FBXW7: variants seen among roughly 807,000 people sequenced by gnomAD.
The protein encoded by FBXW7 is F-box/WD repeat-containing protein 7.
Under a neutral mutation model 86.3 loss-of-function variants are expected in FBXW7, and 11 were observed. The observed-to-expected ratio is 0.13, with a 90% CI of 0.08 to 0.21. FBXW7 has a LOEUF of 0.21. Ranked by LOEUF, FBXW7 falls within the 10% of genes least tolerant of loss-of-function variation. The pLI, the probability that FBXW7 is intolerant of heterozygous loss-of-function variation, is 1.00. For synonymous variants in FBXW7, 313 were observed against 297.9 expected (o/e 1.05, Z -0.52); for missense variants, 488 against 847.4 (o/e 0.58, Z 5.27).
chr4:152,534,405 C>G (rs577154628), intron 2 of FBXW7, among the ~76,000 whole-genome samples: 1 of 152,254 alleles, frequency 6.6e-6, no homozygotes, highest in African/African-American at 2.4e-5. Context: ...TCCTGACACA[C>G]ATGAAATTGG....
intron 2 of FBXW7, among the ~76,000 whole-genome samples, chr4:152,526,205 T>C (rs896350991): frequency 6.6e-6 from 1 of 151,904 alleles, no homozygotes; most frequent in Non-Finnish European, 1.5e-5. Context: ...GTCAGATGCA[T>C]AGTTTGCAAG....
At position 152,350,075 on chromosome 4, in the gene FBXW7, C is replaced by T. The variant is rs1731659122; in HGVS notation, c.551G>A (p.Gly184Glu). ...TTCTGAGACTTTGCATGGTTTCTTTCCCAAAGAAAAAGAGCGGACCTCAGA... is the reference window on the plus strand; with the variant it reads ...TTCTGAGACTTTGCATGGTTTCTTTTCCAAAGAAAAAGAGCGGACCTCAGA... ...HGSEVRSFSLGKKPCKVSEYT... is the reference protein window; with the variant it reads ...HGSEVRSFSLEKKPCKVSEYT... The change falls in exon 5 of 14, where the codon GGA becomes GAA. Residue 184 changes from glycine (G) to glutamate (E), a missense_variant. Gly to Glu is a moderately conservative substitution (Grantham distance 98). This residue lies in a region of FBXW7 where 230 missense variants were observed against 240.0 expected (regional missense o/e 0.96). Transcript: ENST00000281708. 6 of 1,565,198 alleles carry T rather than the reference C, an allele frequency of 3.8e-6. No individual in the cohort carries two copies. The highest frequency in any genetic ancestry group is 3.5e-5 in the South Asian group (3 of 84,786).
intron 4 of FBXW7, among the ~76,000 whole-genome samples, chr4:152,402,052 GTT>G (rs1344464067): frequency 6.6e-6 from 1 of 152,200 alleles, no homozygotes; most frequent in Admixed American, 6.5e-5. Flanking sequence ...AATGGGTCAT[GTT>G]TCAGTGAAGC....
chr4:152,470,280 G>A (rs1454849153), intron 2 of FBXW7, among the ~76,000 whole-genome samples: 2 of 152,006 alleles, frequency 1.3e-5, no homozygotes, highest in East Asian at 3.8e-4. Context: ...TCACAACTTA[G>A]ACAAAAAATT....
intron 4 of FBXW7, among the ~76,000 whole-genome samples, chr4:152,406,316 C>T (rs1737420298): frequency 6.6e-6 from 1 of 151,846 alleles, no homozygotes; most frequent in Non-Finnish European, 1.5e-5. Context: ...ACTTTTTGAG[C>T]TGGGCACGGT....
At chr4:152,376,711 A>T (rs1734556803) in intron 4 of FBXW7, among the ~76,000 whole-genome samples, 1 of 152,076 alleles carries the variant, frequency 6.6e-6, no homozygotes, top group Non-Finnish European at 1.5e-5. Context: ...TTTGGTCATA[A>T]TTGTCAAAAG....
chr4:152,382,547 C>G (rs537606293), intron 4 of FBXW7: 1 of 1,096,334 alleles, frequency 9.1e-7, no homozygotes, highest in Admixed American at 4.7e-5. Flanking sequence ...CCTAGAATAG[C>G]CAGGAATTAT....
chr4:152,394,061 G>T (rs1459065243), intron 4 of FBXW7, among the ~76,000 whole-genome samples: 1 of 152,070 alleles, frequency 6.6e-6, no homozygotes, highest in African/African-American at 2.4e-5. Flanking sequence ...GATACAGCTA[G>T]AAGTTACCCT....
At chr4:152,490,918 C>T (rs1745786564) in intron 2 of FBXW7, among the ~76,000 whole-genome samples, 1 of 151,902 alleles carries the variant, frequency 6.6e-6, no homozygotes, top group Non-Finnish European at 1.5e-5. Context: ...GATCGCTGTC[C>T]CTGATAAATA....
At chr4:152,324,670 A>G (rs1166522006) in intron 12 of FBXW7, 2 of 361,494 alleles carry the variant, frequency 5.5e-6, no homozygotes, top group African/African-American at 4.2e-5. Flanking sequence ...CAAAGCACCT[A>G]AAATGAACAA....
At chr4:152,531,048 G>T (rs1325278441) in intron 2 of FBXW7, among the ~76,000 whole-genome samples, 1 of 151,970 alleles carries the variant, frequency 6.6e-6, no homozygotes, top group Admixed American at 6.6e-5. Flanking sequence ...GGGGTCATCT[G>T]GTGGGTGCTA....
chr4:152,460,545 G>A (rs893312846), intron 2 of FBXW7, among the ~76,000 whole-genome samples: 2 of 152,148 alleles, frequency 1.3e-5, no homozygotes, highest in African/African-American at 4.8e-5. Flanking sequence ...TGGTTTATCT[G>A]AACATGTATT....
chr4:152,494,776 G>A (rs1250704892), intron 2 of FBXW7, among the ~76,000 whole-genome samples: 1 of 152,182 alleles, frequency 6.6e-6, no homozygotes, highest in Non-Finnish European at 1.5e-5. Context: ...CAGAAAGGCT[G>A]TAGATAACAG....
chr4:152,372,210 ATATG>A (rs1252783147), intron 4 of FBXW7, among the ~76,000 whole-genome samples: 1 of 151,924 alleles, frequency 6.6e-6, no homozygotes, highest in Admixed American at 6.6e-5. Flanking sequence ...ACTCATCTAT[ATATG>A]TATGTTTTAA....
intron 2 of FBXW7, among the ~76,000 whole-genome samples, chr4:152,454,221 T>C (rs1489562330): frequency 6.6e-6 from 1 of 151,138 alleles, no homozygotes; most frequent in Non-Finnish European, 1.5e-5. Flanking sequence ...CTGCTTCTTA[T>C]ATCTCTTTTA....
At chr4:152,417,584 A>C (rs567353230) in intron 2 of FBXW7, among the ~76,000 whole-genome samples, 1 of 152,192 alleles carries the variant, frequency 6.6e-6, no homozygotes, top group African/African-American at 2.4e-5. Context: ...AAGCATGAGG[A>C]ATAATCCATA....
intron 2 of FBXW7, among the ~76,000 whole-genome samples, chr4:152,437,821 A>G (rs1282897584): frequency 6.6e-6 from 1 of 152,230 alleles, no homozygotes; most frequent in Admixed American, 6.5e-5. Flanking sequence ...GCAAGACTAC[A>G]GCAGTAAAAT....
At chr4:152,527,274 T>C (rs1749597755) in intron 2 of FBXW7, among the ~76,000 whole-genome samples, 1 of 152,264 alleles carries the variant, frequency 6.6e-6, no homozygotes, top group Non-Finnish European at 1.5e-5. Flanking sequence ...ATATTATGAA[T>C]GTATTTTATT....
intron 2 of FBXW7, among the ~76,000 whole-genome samples, chr4:152,429,113 C>T (rs1739643430): frequency 6.6e-6 from 1 of 152,118 alleles, no homozygotes; most frequent in Non-Finnish European, 1.5e-5. Context: ...TCACTTGAAC[C>T]TGGGAGGCGG....
Sources: allele counts gnomAD v4.1 joint callset (sites outside exome capture counted in the v4.1 genomes callset), GRCh38; gene constraint gnomAD v4.1.1; regional missense constraint gnomAD v4.1.1; transcripts MANE v1.5; gene names NCBI Gene and HGNC (gene_info 2026-07-23, HGNC 2026-07-21).